The following IQCM variants were observed in gnomAD, a reference collection of about 807,000 sequenced individuals.
The protein encoded by IQCM is IQ domain-containing protein M.
Under a neutral mutation model 57.6 loss-of-function variants are expected in IQCM, and 45 were observed. The ratio of observed to expected loss-of-function variants is 0.78; its 90% CI spans 0.62 to 1.00. The LOEUF (loss-of-function observed/expected upper bound fraction) is 1.00. IQCM is among the 50% of genes least tolerant of loss of function. The probability of loss-of-function intolerance (pLI) is 0.00; values close to 1 mark genes in which losing one functional copy is unlikely to be tolerated. For missense variants in IQCM, 468 were observed against 511.6 expected, an observed-to-expected ratio of 0.91 and a Z score of 0.82; for synonymous variants, 148 against 158.9, an observed-to-expected ratio of 0.93 and a Z score of 0.51.
At chr4:149,360,832 A>G (rs1348508284) in intron 13 of IQCM, among the ~76,000 whole-genome samples, 1 of 152,190 alleles carries the variant, frequency 6.6e-6, no homozygotes, top group South Asian at 2.1e-4. Flanking sequence ...GTACCAGCAG[A>G]GTGGGGCATT....
intron 2 of IQCM, among the ~76,000 whole-genome samples, chr4:149,778,165 A>G (rs924728507): frequency 5.9e-5 from 9 of 152,226 alleles, no homozygotes; most frequent in Non-Finnish European, 1.0e-4. Flanking sequence ...TCACGAGGTC[A>G]GGAGATCCAG....
intron 12 of IQCM, among the ~76,000 whole-genome samples, chr4:149,463,376 G>A (rs1738512698): frequency 6.6e-6 from 1 of 152,212 alleles, no homozygotes; most frequent in Admixed American, 6.5e-5. Context: ...TCAAGGGGTT[G>A]TGATTTTAGA....
intron 12 of IQCM, among the ~76,000 whole-genome samples, chr4:149,468,854 A>C (rs927632069): frequency 2.0e-5 from 3 of 152,188 alleles, no homozygotes; most frequent in African/African-American, 7.2e-5. Context: ...GGTGATACCC[A>C]GGCAAACAGG....
chr4:149,681,483 TC>T (rs1443078602), intron 7 of IQCM, among the ~76,000 whole-genome samples: 1 of 151,208 alleles, frequency 6.6e-6, no homozygotes, highest in African/African-American at 2.4e-5. Context: ...ATGCTTCAGT[TC>T]CTTCTATAAT....
chr4:149,608,141 G>A (rs1754963360), intron 8 of IQCM, among the ~76,000 whole-genome samples: 1 of 151,788 alleles, frequency 6.6e-6, no homozygotes, highest in Non-Finnish European at 1.5e-5. Context: ...TCAGATAAAA[G>A]AGATTTCAAG....
intron 10 of IQCM, among the ~76,000 whole-genome samples, chr4:149,560,877 A>C (rs1750057518): frequency 6.6e-6 from 1 of 152,198 alleles, no homozygotes; most frequent in East Asian, 1.9e-4. Flanking sequence ...GGACTGCCAC[A>C]GTTCTGACAA....
chr4:149,650,220 G>A (rs1202581772), intron 7 of IQCM, among the ~76,000 whole-genome samples: 2 of 140,442 alleles, frequency 1.4e-5, no homozygotes, highest in African/African-American at 2.6e-5. Flanking sequence ...AACAAGAGGA[G>A]AGACACAAAG....
At chr4:149,408,491 A>G (rs540182886) in intron 13 of IQCM, among the ~76,000 whole-genome samples, 1 of 152,302 alleles carries the variant, frequency 6.6e-6, no homozygotes, top group South Asian at 2.1e-4. Context: ...CTATCTCATA[A>G]GAAATACCCA....
At chr4:149,574,326 A>G (rs190300630) in intron 9 of IQCM, among the ~76,000 whole-genome samples, 18 of 152,100 alleles carry the variant, frequency 1.2e-4, no homozygotes, top group Admixed American at 2.6e-4. Context: ...GAGTCTCCAT[A>G]CAACTCTTAA....
At chr4:149,684,001 T>G (rs111675135) in intron 6 of IQCM, among the ~76,000 whole-genome samples, 5 of 151,462 alleles carry the variant, frequency 3.3e-5, no homozygotes, top group African/African-American at 1.2e-4. Flanking sequence ...TTGCCTAAAT[T>G]ACAGAATGCA....
At chr4:149,369,748 C>T (rs953933235) in intron 13 of IQCM, among the ~76,000 whole-genome samples, 2 of 152,124 alleles carry the variant, frequency 1.3e-5, no homozygotes, top group South Asian at 4.1e-4. Context: ...ACCATCTGTG[C>T]TTATAATCTT....
chr4:149,500,978 A>G (rs1172932349), intron 12 of IQCM, among the ~76,000 whole-genome samples: 1 of 152,196 alleles, frequency 6.6e-6, no homozygotes, highest in Non-Finnish European at 1.5e-5. Context: ...ATTGCTCTTC[A>G]GTGACTTGAA....
rs547494748 is a variant in IQCM at position 149,593,090 on chromosome 4, C to A, written c.682-5093G>T. Among the ~76,000 whole-genome samples, 5 of 152,244 alleles carry A rather than the reference C, an allele frequency of 3.3e-5. No homozygotes were observed. The South Asian group carries it at 1.0e-3, about 32-fold the overall frequency. ...GATATTGGTTCTTCCTATCCATGAG[C>A]ATGGCATGTTCTTGAATTTGTTTGT... On this transcript the variant is annotated intron_variant, in intron 8 of 13. Transcript: ENST00000636793.
intron 13 of IQCM, among the ~76,000 whole-genome samples, chr4:149,372,084 A>G (rs1730407202): frequency 6.6e-6 from 1 of 152,204 alleles, no homozygotes; most frequent in South Asian, 2.1e-4. Context: ...ACTAAAGCTA[A>G]CAATTTAAGT....
rs536227329 is a variant in IQCM at position 149,728,059 on chromosome 4, T to C, written c.385+5185A>G. The stretch of plus-strand genomic sequence containing the variant: ...CCTCACCAGAGCCAGTTGTTAAACA[T>C]GTGCTAGCACGGCACTGACTAAAAG... On this transcript the variant is annotated intron_variant, in intron 5 of 13. Transcript: ENST00000636793. Among the ~76,000 whole-genome samples the C allele has an allele frequency of 2.0e-5, 3 of 152,332 alleles. No individual in the cohort carries two copies. In the East Asian group the frequency reaches 5.8e-4, roughly 29 times the overall value.
intron 12 of IQCM, among the ~76,000 whole-genome samples, chr4:149,436,526 C>A (rs1252199325): frequency 6.6e-6 from 1 of 152,064 alleles, no homozygotes; most frequent in Admixed American, 6.6e-5. Context: ...TTGGAACTTA[C>A]ACAAACTTAA....
At chr4:149,447,204 A>G (rs1313791777) in intron 12 of IQCM, among the ~76,000 whole-genome samples, 1 of 151,640 alleles carries the variant, frequency 6.6e-6, no homozygotes, top group East Asian at 1.9e-4. Context: ...TCTTTCATAG[A>G]AATTGAAAGC....
Position 149,634,638 on chromosome 4 carries a change from C to G in IQCM, c.566-13394G>C, listed in dbSNP as rs147207391. Among the ~76,000 whole-genome samples the G allele has an allele frequency of 5.1e-3, 778 of 152,230 alleles. 6 individuals carry two copies. Among genetic ancestry groups the G allele is most frequent in the Non-Finnish European group, 8.4e-3 (570 of 67,996 alleles). On this transcript the variant is annotated intron_variant, in intron 7 of 13. Transcript: ENST00000636793. Reference sequence around the variant, plus strand: ...TCACTTTCATTCTGCAAACTTATAACAAAAGCCTTTAACCTTTTAAAAGAT... The same window carrying G: ...TCACTTTCATTCTGCAAACTTATAAGAAAAGCCTTTAACCTTTTAAAAGAT...
At chr4:149,378,497 G>A (rs943547474) in intron 13 of IQCM, among the ~76,000 whole-genome samples, 1 of 152,142 alleles carries the variant, frequency 6.6e-6, no homozygotes, top group Non-Finnish European at 1.5e-5. Flanking sequence ...CTGAAGCAAA[G>A]GTGACTCATT....
Sources: gnomAD v4.1 joint callset for allele counts (sites outside exome capture counted in the v4.1 genomes callset) on GRCh38, gnomAD v4.1.1 for gene constraint, MANE v1.5 for transcripts, NCBI Gene and HGNC (gene_info 2026-07-23, HGNC 2026-07-21) for gene names.